The following KRT86 variants were observed in gnomAD, a reference collection of about 807,000 sequenced individuals.
The protein encoded by KRT86 is keratin, type II cuticular Hb6.
KRT86 carries 30 observed loss-of-function variants against 41.2 expected under a neutral mutation model. The ratio of observed to expected loss-of-function variants is 0.73; its 90% confidence interval spans 0.54 to 0.99. The LOEUF is 0.99. Ranked by LOEUF, KRT86 falls within the 50% of genes least tolerant of loss-of-function variation. The pLI, the probability that KRT86 is intolerant of heterozygous loss-of-function variation, is 0.00. For synonymous variants in KRT86, 238 were observed against 238.1 expected, an observed-to-expected ratio of 1.00 and a Z score of 0.00; for missense variants, 561 against 571.4, an observed-to-expected ratio of 0.98 and a Z score of 0.19.
chr12:52,288,587 C>T (rs1190525918), intron 2 of KRT86: 6 of 1,103,084 alleles, frequency 5.4e-6, no homozygotes, highest in Non-Finnish European at 8.4e-6. Context: ...CCTTTCCTCC[C>T]CTTCTGCCCT....
At chr12:52,301,005 A>T (rs1361286424) in intron 2 of KRT86, among the ~76,000 whole-genome samples, 1 of 152,106 alleles carries the variant, frequency 6.6e-6, no homozygotes. Flanking sequence ...CTCTCAGCCG[A>T]GGCTGGCCAA....
chr12:52,287,853 C>G (rs1938004295), intron 2 of KRT86: 2 of 1,601,296 alleles, frequency 1.2e-6, no homozygotes, highest in African/African-American at 1.3e-5. Context: ...CCTGCCACCC[C>G]AACCTCAGAT....
chr12:52,275,918 C>T lies in KRT86; in HGVS notation c.-33C>T, dbSNP rs906057328. The T allele has an allele frequency of 2.0e-6, 2 of 985,988 alleles. No homozygotes were observed. The highest frequency in any genetic ancestry group is 1.2e-6 in the Non-Finnish European group (1 of 830,002). 61.1% of individuals were successfully genotyped at this position (985,988 alleles called of 1,614,324 possible). ...CTTAATCAGGCCATCCAGTGGCTGA[C>T]GGTGGAGGTGGGCAGTGCTGAGAGT... On this transcript the variant is annotated 5_prime_UTR_variant, in exon 2 of 11. It adds an upstream start codon to the 5' untranslated region. Coordinates refer to ENST00000423955, the MANE Select transcript of KRT86 (RefSeq NM_001320198.2).
intron 2 of KRT86, chr12:52,288,175 A>C (rs1372939992): frequency 6.2e-7 from 1 of 1,612,534 alleles, no homozygotes; most frequent in Non-Finnish European, 8.5e-7. Flanking sequence ...CAGTGACTTT[A>C]GTTGAGAATA....
intron 2 of KRT86, among the ~76,000 whole-genome samples, chr12:52,295,297 G>A (rs1340185150): frequency 6.6e-6 from 1 of 152,064 alleles, no homozygotes; most frequent in Non-Finnish European, 1.5e-5. Context: ...GCCCTCTGAG[G>A]TTGGTGTTAT....
At chr12:52,287,223 G>T (rs1746045929) in intron 2 of KRT86, 5 of 1,613,948 alleles carry the variant, frequency 3.1e-6, no homozygotes, top group Admixed American at 1.7e-5. Context: ...TTGGCCTTCT[G>T]CAGGGCGCCC....
chr12:52,287,330 G>T, intron 2 of KRT86: 1 of 1,614,020 alleles, frequency 6.2e-7, no homozygotes. Context: ...GTTCTGAAGA[G>T]AACAGAAAGA....
In KRT86 at chr12:52,283,004, T is replaced by G. The variant is rs141263650; in HGVS notation, c.-5+7058T>G. 8.4e-4 allele frequency among the ~76,000 whole-genome samples: 128 copies of G among 152,312 alleles called. 1 individual carries two copies. The highest frequency in any genetic ancestry group is 2.8e-3 in the African/African-American group (118 of 41,570). ...CCTCTAGGCATTGAGCAATGCAGAA[T>G]GAATATACAAACAACATGCGCATAC... On this transcript the variant is annotated intron_variant, in intron 2 of 10. Coordinates refer to ENST00000423955, the MANE Select transcript of KRT86 (RefSeq NM_001320198.2).
At chr12:52,305,861 A>T in intron 8 of KRT86, 73 bp downstream of exon 8, 1 of 1,611,638 alleles carries the variant, frequency 6.2e-7, no homozygotes, top group East Asian at 2.2e-5. Flanking sequence ...TGTGTGCCCT[A>T]TCTGGATCTC....
chr12:52,299,627 A>C (rs1938327178), intron 2 of KRT86, among the ~76,000 whole-genome samples: 1 of 152,092 alleles, frequency 6.6e-6, no homozygotes, highest in African/African-American at 2.4e-5. Context: ...TGTCTTTTTG[A>C]TAAAAGTCAT....
chr12:52,282,287 C>T (rs1292031741), intron 2 of KRT86, among the ~76,000 whole-genome samples: 1 of 151,326 alleles, frequency 6.6e-6, no homozygotes, highest in Non-Finnish European at 1.5e-5. Context: ...GGCTGGACTG[C>T]AGTGGCGCAA....
chr12:52,287,630 C>G, intron 2 of KRT86: 1 of 1,613,956 alleles, frequency 6.2e-7, no homozygotes, highest in Non-Finnish European at 8.5e-7. Flanking sequence ...GGCCGTCAGC[C>G]TTTGGATCAT....
chr12:52,294,298 A>G (rs1209679614), intron 2 of KRT86, among the ~76,000 whole-genome samples: 1 of 152,248 alleles, frequency 6.6e-6, no homozygotes, highest in Non-Finnish European at 1.5e-5. Context: ...AACATGTATA[A>G]ACACAAGCTA....
At chr12:52,291,527 C>T (rs1938125486) in intron 2 of KRT86, 1 of 1,598,048 alleles carries the variant, frequency 6.3e-7, no homozygotes, top group South Asian at 1.1e-5. Context: ...CTGATGGAAA[C>T]TCCAATGTGC....
intron 2 of KRT86, among the ~76,000 whole-genome samples, chr12:52,279,616 G>A (rs1937726691): frequency 6.6e-6 from 1 of 152,186 alleles, no homozygotes; most frequent in South Asian, 2.1e-4. Context: ...TGCGGTGGAG[G>A]GGTCAGGGCG....
Position 52,308,897 on chromosome 12 carries a change from C to A in KRT86, c.*312C>A. ...ACATTGGTCTTGCCTGAGCTCTTCCCCAAAGCTTGGAGGAACGGGGGAGGC... is the reference window on the plus strand; with the variant it reads ...ACATTGGTCTTGCCTGAGCTCTTCCACAAAGCTTGGAGGAACGGGGGAGGC... On this transcript the variant is annotated 3_prime_UTR_variant, in exon 11 of 11. Transcript: ENST00000423955. 1 of 387,656 alleles carries A rather than the reference C, an allele frequency of 2.6e-6. No homozygotes were observed. The highest frequency in any genetic ancestry group is 7.8e-4 in the Middle Eastern group (1 of 1,278). 24.0% of individuals were successfully genotyped at this position (387,656 alleles called of 1,614,324 possible). A position where few individuals can be genotyped will look rare whatever the true frequency, so the allele number is the denominator to read the frequency against.
intron 7 of KRT86, 49 bp from the exon 8 acceptor site, chr12:52,305,614 G>A (rs1464433575): frequency 6.2e-7 from 1 of 1,613,924 alleles, no homozygotes; most frequent in Admixed American, 1.7e-5. Context: ...TGCCCTGAAT[G>A]GGTGGGAGGT....
intron 2 of KRT86, chr12:52,288,574 A>G: frequency 1.7e-6 from 2 of 1,210,590 alleles, no homozygotes; most frequent in Non-Finnish European, 1.2e-6. Flanking sequence ...TCCCATTCCC[A>G]TGCCTTTCCT....
chr12:52,308,539 C>G lies in KRT86; in HGVS notation c.1415C>G (p.Pro472Arg), dbSNP rs752688759. The G allele has an allele frequency of 6.2e-7, 1 of 1,601,872 alleles. No individual in the cohort carries two copies. The highest frequency in any genetic ancestry group is 8.5e-7 in the Non-Finnish European group (1 of 1,179,826). The change falls in exon 11 of 11, where the codon CCC (proline) becomes CGC (arginine). Residue 472 changes from proline (P) to arginine (R), a missense_variant. Coordinates refer to ENST00000423955, the MANE Select transcript of KRT86 (RefSeq NM_001320198.2). ...GTGGGCACTACTAACGCCTGCGCCC[C>G]CTCCGCCCGGGTTGGCGTCTGCGGC... is the stretch of plus-strand genomic sequence containing the variant. ...VVVGTTNACA[P>R]SARVGVCGGS...
Sources: gnomAD v4.1 joint callset for allele counts (sites outside exome capture counted in the v4.1 genomes callset) on GRCh38, gnomAD v4.1.1 for gene constraint, MANE v1.5 for transcripts, NCBI Gene and HGNC (gene_info 2026-07-23, HGNC 2026-07-21) for gene names.